Variants in KCNJ6 observed in about 807,000 individuals in gnomAD.
KCNJ6 encodes G protein-activated inward rectifier potassium channel 2.
In KCNJ6, 9 loss-of-function variants were observed where a neutral mutation model predicts 34.2. The observed-to-expected ratio is 0.26, with a 90% CI of 0.16 to 0.46. KCNJ6 has a LOEUF of 0.46. Ranked by LOEUF, KCNJ6 falls within the 20% of genes least tolerant of loss-of-function variation. The pLI is 1.00. For missense variants in KCNJ6, 236 were observed against 531.3 expected (o/e 0.44, Z 5.46); for synonymous variants, 196 against 207.1 (o/e 0.95, Z 0.46).
At chr21:37,682,187 C>T (rs2054593552) in intron 3 of KCNJ6, among the ~76,000 whole-genome samples, 1 of 152,156 alleles carries the variant, frequency 6.6e-6, no homozygotes, top group South Asian at 2.1e-4. Flanking sequence ...AAAAATCATT[C>T]CTTCCCATTT....
At chr21:37,711,423 A>G (rs1266093957) in intron 3 of KCNJ6, among the ~76,000 whole-genome samples, 1 of 152,142 alleles carries the variant, frequency 6.6e-6, no homozygotes, top group Non-Finnish European at 1.5e-5. Flanking sequence ...ACAGCAGGTT[A>G]AGGTCAACTG....
intron 2 of KCNJ6, among the ~76,000 whole-genome samples, chr21:37,792,776 G>T (rs1006715565): frequency 2.0e-5 from 3 of 152,212 alleles, no homozygotes; most frequent in African/African-American, 7.2e-5. Flanking sequence ...GCGTTTTCCA[G>T]TAAAGATTAC....
intron 2 of KCNJ6, among the ~76,000 whole-genome samples, chr21:37,749,229 G>A (rs1169794420): frequency 6.6e-6 from 1 of 152,156 alleles, no homozygotes; most frequent in East Asian, 1.9e-4. Flanking sequence ...GGGCATCTTT[G>A]CTCAGAGGGG....
chr21:37,701,315 C>T (rs960818632), intron 3 of KCNJ6, among the ~76,000 whole-genome samples: 5 of 152,094 alleles, frequency 3.3e-5, no homozygotes, highest in African/African-American at 4.8e-5. Flanking sequence ...AGGGAGGAGG[C>T]GGTTGGAACT....
At chr21:37,875,634 A>G (rs182948488) in intron 1 of KCNJ6, among the ~76,000 whole-genome samples, 64 of 152,316 alleles carry the variant, frequency 4.2e-4, no homozygotes, top group African/African-American at 1.4e-3. Flanking sequence ...CTGGCCTCAC[A>G]CTTCAATACT....
intron 1 of KCNJ6, among the ~76,000 whole-genome samples, chr21:37,915,243 T>A (rs1359943972): frequency 6.6e-6 from 1 of 152,232 alleles, no homozygotes; most frequent in African/African-American, 2.4e-5. Flanking sequence ...TCTCATTTTA[T>A]CTAAAGTGTT....
rs1323104056 is a variant in KCNJ6 at position 37,616,128 on chromosome 21, G to A, written c.*9031C>T. 1.3e-5 allele frequency: 2 copies of A among 152,212 alleles called. No homozygotes were observed. Among genetic ancestry groups the A allele is most frequent in the Non-Finnish European group, 2.9e-5 (2 of 68,056 alleles). 9.4% of individuals were successfully genotyped at this position (152,212 alleles called of 1,614,324 possible). A position where few individuals can be genotyped will look rare whatever the true frequency, so the allele number is the denominator to read the frequency against. On this transcript the variant is annotated 3_prime_UTR_variant, in exon 4 of 4. Transcript: ENST00000609713. ...TGGGGCCTCTGCCAGGTCTCCTCGA[G>A]CCTGCGGGAGAGTGGTCCACACTGA...
intron 1 of KCNJ6, among the ~76,000 whole-genome samples, chr21:37,914,014 T>TGG (rs1417010942): frequency 2.1e-5 from 3 of 140,778 alleles, no homozygotes; most frequent in Non-Finnish European, 1.5e-5. Flanking sequence ...TCGGGGTGTG[T>TGG]GTGTGTGTGT....
intron 3 of KCNJ6, among the ~76,000 whole-genome samples, chr21:37,703,834 AG>A (rs34426500): frequency 1 from 152,362 of 152,362 alleles, 76,181 homozygotes; most frequent in Non-Finnish European, 1. Flanking sequence ...TGGCTGGCAC[AG>A]GGAACTCAAA....
chr21:37,691,766 G>A (rs1219617584), intron 3 of KCNJ6, among the ~76,000 whole-genome samples: 2 of 152,090 alleles, frequency 1.3e-5, no homozygotes, highest in South Asian at 2.1e-4. Flanking sequence ...GTGAGTAACC[G>A]CGCACCTGTG....
intron 2 of KCNJ6, among the ~76,000 whole-genome samples, chr21:37,834,121 T>C (rs948364555): frequency 7.9e-5 from 12 of 152,212 alleles, no homozygotes; most frequent in Non-Finnish European, 1.6e-4. Flanking sequence ...CATCCGTGTA[T>C]GCCCAACCTG....
chr21:37,809,239 A>G (rs1169553329), intron 2 of KCNJ6, among the ~76,000 whole-genome samples: 4 of 152,078 alleles, frequency 2.6e-5, no homozygotes, highest in Non-Finnish European at 5.9e-5. Flanking sequence ...CATGGATGAA[A>G]CTGGAAACCA....
At chr21:37,799,979 G>A (rs2055261631) in intron 2 of KCNJ6, among the ~76,000 whole-genome samples, 1 of 152,124 alleles carries the variant, frequency 6.6e-6, no homozygotes, top group Non-Finnish European at 1.5e-5. Context: ...GCACCCAAAT[G>A]CCTCTATCTG....
rs905691841 is a variant in KCNJ6 at position 37,712,968 on chromosome 21, T to A, written c.946+1243A>T. The stretch of plus-strand genomic sequence containing the variant: ...TTAGGTTCCTGTGCCTTTTGTTCTA[T>A]GGAAAGGAGACCGCTCCTACCATTG... On this transcript the variant is annotated intron_variant, in intron 3 of 3. Transcript: ENST00000609713. Among the ~76,000 whole-genome samples the A allele has an allele frequency of 2.2e-4, 33 of 152,070 alleles. 1 individual carries two copies. The highest frequency in any genetic ancestry group is 7.7e-4 in the African/African-American group (32 of 41,402).
intron 3 of KCNJ6, among the ~76,000 whole-genome samples, chr21:37,648,166 T>C (rs2054414308): frequency 7.4e-6 from 1 of 134,686 alleles, no homozygotes; most frequent in Admixed American, 7.2e-5. Context: ...TTTCTGAGCA[T>C]GCAGGTGTAA....
At chr21:37,903,120 A>G (rs2055824616) in intron 1 of KCNJ6, among the ~76,000 whole-genome samples, 1 of 151,894 alleles carries the variant, frequency 6.6e-6, no homozygotes, top group Non-Finnish European at 1.5e-5. Flanking sequence ...ACTCAGTGAG[A>G]CCCCTCTTGC....
At chr21:37,700,201 C>G (rs2054683635) in intron 3 of KCNJ6, among the ~76,000 whole-genome samples, 1 of 152,068 alleles carries the variant, frequency 6.6e-6, no homozygotes, top group Non-Finnish European at 1.5e-5. Flanking sequence ...TTTGCAGAAA[C>G]TCAGCAGAAG....
intron 1 of KCNJ6, among the ~76,000 whole-genome samples, chr21:37,882,841 T>C (rs1197999836): frequency 3.9e-5 from 6 of 152,366 alleles, no homozygotes; most frequent in South Asian, 2.1e-4. Flanking sequence ...GAATGTTTCA[T>C]AGGACACAAA....
intron 1 of KCNJ6, among the ~76,000 whole-genome samples, chr21:37,899,415 C>T (rs1360105795): frequency 1.3e-5 from 2 of 152,192 alleles, no homozygotes; most frequent in African/African-American, 2.4e-5. Context: ...TTCTCGTTCT[C>T]TCTCACTCCC....
Sources: allele counts gnomAD v4.1 joint callset (sites outside exome capture counted in the v4.1 genomes callset), GRCh38; gene constraint gnomAD v4.1.1; transcripts MANE v1.5; gene names NCBI Gene and HGNC (gene_info 2026-07-23, HGNC 2026-07-21).